Variants in PACSIN2 observed in about 807,000 individuals in gnomAD.
The protein encoded by PACSIN2 is protein kinase C and casein kinase substrate in neurons protein 2.
PACSIN2 carries 25 observed loss-of-function variants against 63.8 expected under a neutral mutation model. The observed-to-expected ratio is 0.39, with a 90% CI of 0.29 to 0.55. PACSIN2 has a LOEUF of 0.55. PACSIN2 is among the 20% of genes least tolerant of loss of function. The pLI, the probability that PACSIN2 is intolerant of heterozygous loss-of-function variation, is 0.62. For synonymous variants in PACSIN2, 255 were observed against 256.2 expected (o/e 1.00, Z 0.05); for missense variants, 518 against 646.9 (o/e 0.80, Z 2.16).
intron 1 of PACSIN2, among the ~76,000 whole-genome samples, chr22:42,981,439 G>A (rs1249453341): frequency 3.7e-5 from 4 of 107,306 alleles, no homozygotes; most frequent in Non-Finnish European, 7.6e-5. Context: ...GGGAAGTGAG[G>A]AGCCCCTCTG....
chr22:43,004,323 T>G (rs1546860), intron 1 of PACSIN2, among the ~76,000 whole-genome samples: 1 of 152,044 alleles, frequency 6.6e-6, no homozygotes, highest in African/African-American at 2.4e-5. Context: ...CTTCAGAACA[T>G]GGGGGCCTGT....
At chr22:42,901,109 A>G (rs1930654376) in intron 2 of PACSIN2, among the ~76,000 whole-genome samples, 1 of 152,078 alleles carries the variant, frequency 6.6e-6, no homozygotes, top group African/African-American at 2.4e-5. Context: ...CCTCAGGATG[A>G]TCTTCCCCTT....
At chr22:42,926,838 A>C (rs1355885653) in intron 1 of PACSIN2, among the ~76,000 whole-genome samples, 2 of 151,052 alleles carry the variant, frequency 1.3e-5, no homozygotes, top group African/African-American at 4.9e-5. Flanking sequence ...GAGAGACCCT[A>C]TCTCTTAAAA....
chr22:42,913,460 C>T (rs887301625), intron 1 of PACSIN2, among the ~76,000 whole-genome samples: 1 of 110,972 alleles, frequency 9.0e-6, no homozygotes, highest in African/African-American at 3.6e-5. Context: ...GCCTGGGCAA[C>T]AAGAGCGAAA....
At chr22:43,004,003 G>A (rs760555896) in intron 1 of PACSIN2, among the ~76,000 whole-genome samples, 5 of 152,138 alleles carry the variant, frequency 3.3e-5, no homozygotes, top group South Asian at 2.1e-4. Flanking sequence ...CATAGATGCC[G>A]TCTTAAGCAA....
chr22:42,960,949 A>G (rs1934111040), intron 1 of PACSIN2, among the ~76,000 whole-genome samples: 1 of 152,214 alleles, frequency 6.6e-6, no homozygotes, highest in Non-Finnish European at 1.5e-5. Context: ...CAGGAAACAA[A>G]TATTTCAAGG....
In PACSIN2 at chr22:42,870,974, G is replaced by A. The variant is rs1247266109; in HGVS notation, c.*383C>T. On this transcript the variant is annotated 3_prime_UTR_variant, in exon 11 of 11. Coordinates refer to ENST00000263246, the MANE Select transcript of PACSIN2 (RefSeq NM_001184970.3). ...AATCTTCACTCAAAATGGGATGTAA[G>A]CTTGTTCATTTAAGTTGCAGGTGAT... The A allele has an allele frequency of 4.5e-6, 1 of 220,286 alleles. No homozygotes were observed. Among genetic ancestry groups the A allele is most frequent in the Non-Finnish European group, 9.2e-6 (1 of 108,792 alleles). The allele number at this position is 220,286 out of a possible 1,614,324, so 13.6% of individuals were successfully genotyped here. A position where few individuals can be genotyped will look rare whatever the true frequency, so the allele number is the denominator to read the frequency against.
At chr22:42,921,550 A>G (rs922998991) in intron 1 of PACSIN2, among the ~76,000 whole-genome samples, 3 of 152,086 alleles carry the variant, frequency 2.0e-5, no homozygotes, top group Admixed American at 6.5e-5. Context: ...CCTTTCATAA[A>G]GTTCAAACTG....
chr22:42,995,423 T>C (rs1433436310), intron 1 of PACSIN2, among the ~76,000 whole-genome samples: 2 of 152,160 alleles, frequency 1.3e-5, no homozygotes, highest in Admixed American at 6.5e-5. Flanking sequence ...GGATGACAAA[T>C]GTTGTTTCAT....
chr22:42,944,559 T>C (rs1173201411), intron 1 of PACSIN2, among the ~76,000 whole-genome samples: 2 of 152,144 alleles, frequency 1.3e-5, no homozygotes, highest in East Asian at 1.9e-4. Flanking sequence ...CTGGGGAACA[T>C]GCCCCAAGCA....
intron 1 of PACSIN2, among the ~76,000 whole-genome samples, chr22:42,992,942 T>C (rs759762343): frequency 1.1e-4 from 16 of 152,250 alleles, no homozygotes; most frequent in Middle Eastern, 3.4e-3. Flanking sequence ...GGCGGGCAGA[T>C]TGCCCGAGCT....
intron 1 of PACSIN2, among the ~76,000 whole-genome samples, chr22:42,972,102 T>C (rs1569339567): frequency 6.6e-6 from 1 of 152,188 alleles, no homozygotes; most frequent in Non-Finnish European, 1.5e-5. Flanking sequence ...GAAGTCGGAT[T>C]GTTACTGTGT....
rs190444956 is a variant in PACSIN2, at chr22:42,964,495, T to C, written c.-78+50526A>G. On this transcript the variant is annotated intron_variant, in intron 1 of 10. Transcript: ENST00000263246. The stretch of plus-strand genomic sequence containing the variant: ...TGGGTTGTTAATAGAATACCACAGA[T>C]TGCAGTTCTGCGCTCGCCTCAGTCT... Among the ~76,000 whole-genome samples the C allele has an allele frequency of 2.8e-3, 423 of 151,462 alleles. 1 individual carries two copies. The highest frequency in any genetic ancestry group is 4.9e-3 in the Non-Finnish European group (331 of 67,900).
intron 2 of PACSIN2, among the ~76,000 whole-genome samples, chr22:42,896,122 G>A (rs188796959): frequency 3.1e-4 from 47 of 152,296 alleles, no homozygotes; most frequent in Non-Finnish European, 4.1e-4. Context: ...CCACAGCAAG[G>A]AACAGGACAC....
chr22:42,996,062 T>A (rs1923375985), intron 1 of PACSIN2, among the ~76,000 whole-genome samples: 1 of 150,906 alleles, frequency 6.6e-6, no homozygotes, highest in Non-Finnish European at 1.5e-5. Flanking sequence ...CTACTAAAAA[T>A]ACAAAAAATT....
Position 42,876,323 on chromosome 22 carries a change from A to T in PACSIN2, c.1162T>A (p.Tyr388Asn). The change falls in exon 10 of 11, where the codon TAC (tyrosine) becomes AAC (asparagine). Residue 388 changes from tyrosine to asparagine, a missense_variant. This residue lies in a region of PACSIN2 where 507 missense variants were observed against 612.3 expected (regional missense o/e 0.83). Coordinates refer to ENST00000263246, the MANE Select transcript of PACSIN2 (RefSeq NM_001184970.3). ...GTGGGATAGCTCTGGGTCTTCTCGT[A>T]GCTGCTCACACTGCAAGAAAGGGGA... Reference protein sequence around the residue: ...DDTKAKNVSSYEKTQSYPTDW... With the variant: ...DDTKAKNVSSNEKTQSYPTDW... 3 of 1,613,766 alleles carry T rather than the reference A, an allele frequency of 1.9e-6. No homozygotes were observed. Among genetic ancestry groups the T allele is most frequent in the Non-Finnish European group, 2.5e-6 (3 of 1,179,674 alleles).
chr22:42,956,961 C>T (rs768436588), intron 1 of PACSIN2, among the ~76,000 whole-genome samples: 2 of 151,986 alleles, frequency 1.3e-5, no homozygotes, highest in Non-Finnish European at 2.9e-5. Context: ...AAAAGGAAGC[C>T]GATTGGAATA....
chr22:42,987,389 G>T (rs957356153), intron 1 of PACSIN2, among the ~76,000 whole-genome samples: 1 of 149,604 alleles, frequency 6.7e-6, no homozygotes, highest in Non-Finnish European at 1.5e-5. Flanking sequence ...GGCTCTGCCC[G>T]AGGGACCTCA....
chr22:42,952,702 G>C (rs1373868002), intron 1 of PACSIN2, among the ~76,000 whole-genome samples: 1 of 146,110 alleles, frequency 6.8e-6, no homozygotes, highest in Non-Finnish European at 1.5e-5. Flanking sequence ...TCGCTCTGTC[G>C]CCCCGGCTGG....
Sources: gnomAD v4.1 joint callset for allele counts (sites outside exome capture counted in the v4.1 genomes callset) on GRCh38, gnomAD v4.1.1 for gene constraint, gnomAD v4.1.1 regional missense constraint, MANE v1.5 for transcripts, NCBI Gene and HGNC (gene_info 2026-07-23, HGNC 2026-07-21) for gene names.